Variants in PCCB observed in about 807,000 individuals in gnomAD.
PCCB encodes the protein propionyl-CoA carboxylase beta chain, mitochondrial.
A neutral mutation model predicts 60.7 loss-of-function variants in PCCB; 43 were observed. The observed-to-expected ratio is 0.71, with a 90% confidence interval of 0.55 to 0.91. PCCB has a LOEUF of 0.91. Ranked by LOEUF, PCCB falls within the 40% of genes least tolerant of loss-of-function variation. The pLI, the probability that PCCB is intolerant of heterozygous loss-of-function variation, is 0.00. For missense variants in PCCB, 766 were observed against 702.8 expected, an observed-to-expected ratio of 1.09 and a Z score of -1.02; for synonymous variants, 276 against 255.9, an observed-to-expected ratio of 1.08 and a Z score of -0.75.
intron 5 of PCCB, among the ~76,000 whole-genome samples, chr3:136,270,734 G>T (rs999486483): frequency 2.6e-5 from 4 of 152,138 alleles, no homozygotes; most frequent in Non-Finnish European, 4.4e-5. Context: ...TCAAACTCCT[G>T]GCCTCAGGTG....
intron 7 of PCCB, among the ~76,000 whole-genome samples, chr3:136,294,898 G>A (rs868158148): frequency 2.6e-5 from 4 of 152,020 alleles, no homozygotes; most frequent in African/African-American, 9.7e-5. Context: ...GATTACAGGC[G>A]TGAGCCACCA....
At chr3:136,316,800 T>G in intron 9 of PCCB, 141 bp from the exon 10 acceptor site, 1 of 955,652 alleles carries the variant, frequency 1.0e-6, no homozygotes, top group South Asian at 1.4e-5. Flanking sequence ...GTTGTCCTGC[T>G]TCCTTGGAGA....
At chr3:136,286,988 G>A (rs541708050) in intron 6 of PCCB, among the ~76,000 whole-genome samples, 3 of 150,570 alleles carry the variant, frequency 2.0e-5, no homozygotes, top group African/African-American at 7.3e-5. Context: ...CCAAGATCGC[G>A]CCACTGCACT....
At position 136,250,525 on chromosome 3, in the gene PCCB, G is replaced by A. The variant is rs2108128043; in HGVS notation, c.150G>A (p.Gly50=). The A allele has an allele frequency of 3.1e-6, 5 of 1,612,962 alleles. No individual in the cohort carries two copies. Among genetic ancestry groups the A allele is most frequent in the Non-Finnish European group, 3.4e-6 (4 of 1,179,768 alleles). Reference sequence around the variant, plus strand: ...AGCGCCGGACCGCGCTGCTGGGAGGGGGCCAACGCCGTATTGACGCGCAGC... The same window carrying A: ...AGCGCCGGACCGCGCTGCTGGGAGGAGGCCAACGCCGTATTGACGCGCAGC... ...ENKRRTALLG[G]GQRRIDAQHK... The change falls in exon 1 of 15, where the codon GGG becomes GGA. Residue 50 remains glycine (G), a synonymous_variant. Transcript: ENST00000251654.
At chr3:136,309,710 G>T (rs1481381543) in intron 9 of PCCB, among the ~76,000 whole-genome samples, 1 of 151,792 alleles carries the variant, frequency 6.6e-6, no homozygotes, top group Admixed American at 6.6e-5. Context: ...CTCAGTGTAG[G>T]AGAATTGCTA....
At chr3:136,256,798 A>AT (rs1490846363) in intron 3 of PCCB, among the ~76,000 whole-genome samples, 175 bp downstream of exon 3, 1 of 152,180 alleles carries the variant, frequency 6.6e-6, no homozygotes, top group Non-Finnish European at 1.5e-5. Context: ...TTACTTAGGA[A>AT]GAGTCCTTAG....
At chr3:136,251,181 T>C (rs1171668794) in intron 1 of PCCB, 2 of 456,070 alleles carry the variant, frequency 4.4e-6, no homozygotes, top group African/African-American at 4.0e-5. Context: ...CGCAGGCTAC[T>C]CTCGATGTTT....
chr3:136,281,667 C>G (rs1942478243), intron 5 of PCCB, among the ~76,000 whole-genome samples: 1 of 151,906 alleles, frequency 6.6e-6, no homozygotes, highest in Non-Finnish European at 1.5e-5. Flanking sequence ...ATGGGCCATA[C>G]TTGCTTATTT....
rs370304541 is a variant in PCCB, at chr3:136,316,976, C to T, written c.1002C>T (p.Pro334=). The change falls in exon 10 of 15, where the codon CCC becomes CCT. Residue 334 remains proline (P), a synonymous_variant. Transcript: ENST00000251654. ...VDEREFFEIM[P]NYAKNIIVGF... ...AGCGTGAATTTTTTGAGATCATGCC[C>T]AATTATGCCAAGAACATCATTGTTG... The T allele has an allele frequency of 2.5e-6, 4 of 1,613,806 alleles. No individual in the cohort carries two copies. The highest frequency in any genetic ancestry group is 3.4e-6 in the Non-Finnish European group (4 of 1,179,914).
At chr3:136,250,791 G>T (rs1941493511) in intron 1 of PCCB, among the ~76,000 whole-genome samples, 1 of 152,218 alleles carries the variant, frequency 6.6e-6, no homozygotes, top group Admixed American at 6.5e-5. Context: ...AGACGGATCT[G>T]GCTCGTCTCT....
intron 9 of PCCB, among the ~76,000 whole-genome samples, chr3:136,312,202 GT>G (rs1934695195): frequency 1.3e-5 from 2 of 152,232 alleles, no homozygotes; most frequent in Non-Finnish European, 2.9e-5. Flanking sequence ...TCATTAGGCA[GT>G]TTCTTTGTGC....
intron 5 of PCCB, among the ~76,000 whole-genome samples, chr3:136,277,762 C>CT (rs546016224): frequency 9.2e-5 from 14 of 152,208 alleles, no homozygotes; most frequent in Non-Finnish European, 1.8e-4. Context: ...CTCACTCCCT[C>CT]TGTGCTCTGC....
chr3:136,328,529 C>T (rs905468199), intron 13 of PCCB, among the ~76,000 whole-genome samples: 5 of 152,114 alleles, frequency 3.3e-5, no homozygotes, highest in African/African-American at 1.2e-4. Flanking sequence ...GCCTGACTGC[C>T]CCTTATTGGG....
intron 5 of PCCB, among the ~76,000 whole-genome samples, chr3:136,275,202 A>G (rs1179082914): frequency 1.3e-5 from 2 of 151,864 alleles, no homozygotes; most frequent in East Asian, 1.9e-4. Context: ...TCATTCTTTG[A>G]CTTGTTCTGG....
intron 1 of PCCB, among the ~76,000 whole-genome samples, chr3:136,252,662 A>AT (rs962722858): frequency 0.066 from 7,972 of 120,854 alleles, 903 homozygotes; most frequent in African/African-American, 0.22. Context: ...TACCCAGCTA[A>AT]TTTTTTTTTT....
chr3:136,329,924 C>T lies in PCCB; in HGVS notation c.1518C>T (p.Ile506=). The T allele has an allele frequency of 6.2e-7, 1 of 1,614,170 alleles. No individual in the cohort carries two copies. Among genetic ancestry groups the T allele is most frequent in the Non-Finnish European group, 8.5e-7 (1 of 1,180,006 alleles). ...AAVRGFVDDI[I]QPSSTRARIC... is the part of the protein sequence containing the mutation. The stretch of plus-strand genomic sequence containing the variant: ...CACCAGGGTTTGTGGATGACATCAT[C>T]CAACCTTCTTCCACACGTGCCCGAA... Residue 506 remains isoleucine (I), a synonymous_variant, in exon 15 of 15, where the codon ATC becomes ATT. Coordinates refer to ENST00000251654, the MANE Select transcript of PCCB (RefSeq NM_000532.5).
At chr3:136,314,466 C>T (rs904357372) in intron 9 of PCCB, among the ~76,000 whole-genome samples, 8 of 152,022 alleles carry the variant, frequency 5.3e-5, no homozygotes, top group African/African-American at 1.9e-4. Flanking sequence ...CCCAGCCCGG[C>T]CAATACGGTG....
chr3:136,302,688 A>G (rs1200045831), intron 9 of PCCB, among the ~76,000 whole-genome samples: 1 of 116,608 alleles, frequency 8.6e-6, no homozygotes, highest in African/African-American at 2.6e-5. Flanking sequence ...AGCATTAGGT[A>G]TATCTCCTAA....
intron 8 of PCCB, among the ~76,000 whole-genome samples, chr3:136,300,166 A>G (rs571394545): frequency 1.6e-5 from 2 of 128,664 alleles, no homozygotes; most frequent in South Asian, 4.6e-4. Flanking sequence ...ATATATACAC[A>G]TATGTATATG....
Sources: allele counts gnomAD v4.1 joint callset (sites outside exome capture counted in the v4.1 genomes callset), GRCh38; gene constraint gnomAD v4.1.1; transcripts MANE v1.5; gene names NCBI Gene and HGNC (gene_info 2026-07-23, HGNC 2026-07-21).